SPMIP2: variants seen among roughly 807,000 people sequenced by gnomAD.
SPMIP2 encodes protein SPMIP2.
At chr4:159,064,275 A>T in the SPMIP2 span, 1 of 152,024 alleles carries the variant, frequency 6.6e-6, no homozygotes, top group African/African-American at 2.4e-5. Context: ...TTTTATTTTT[A>T]TTTATTATTA....
the SPMIP2 span, among the ~76,000 whole-genome samples, chr4:158,961,229 T>C: frequency 1.3e-5 from 2 of 152,130 alleles, no homozygotes; most frequent in African/African-American, 2.4e-5. Flanking sequence ...AAAGGAATGA[T>C]GTTACTTAGT....
the SPMIP2 span, among the ~76,000 whole-genome samples, chr4:158,894,418 T>C: frequency 4.7e-3 from 721 of 152,124 alleles, 3 homozygotes; most frequent in Middle Eastern, 0.051. Flanking sequence ...GTGATCCTCC[T>C]ACCTCAGCCT....
At chr4:159,079,626 C>T in the SPMIP2 span, among the ~76,000 whole-genome samples, 1 of 152,138 alleles carries the variant, frequency 6.6e-6, no homozygotes, top group South Asian at 2.1e-4. Context: ...TTTGGTTTTA[C>T]CAAGCCAGAG....
chr4:159,025,913 C>G, the SPMIP2 span, among the ~76,000 whole-genome samples: 1 of 152,170 alleles, frequency 6.6e-6, no homozygotes, highest in Admixed American at 6.5e-5. Context: ...ATGCTTACAC[C>G]TATTTCCTAG....
At chr4:158,907,552 T>C in the SPMIP2 span, 1 of 152,202 alleles carries the variant, frequency 6.6e-6, no homozygotes, top group Non-Finnish European at 1.5e-5. Context: ...CTAGAGTTGG[T>C]TGTACATAAA....
the SPMIP2 span, among the ~76,000 whole-genome samples, chr4:159,030,214 A>G: frequency 6.6e-6 from 1 of 152,156 alleles, no homozygotes; most frequent in African/African-American, 2.4e-5. Context: ...GGAGTTCAAG[A>G]CCAGCCTGGG....
the SPMIP2 span, among the ~76,000 whole-genome samples, chr4:158,896,396 C>T: frequency 6.6e-6 from 1 of 152,126 alleles, no homozygotes; most frequent in Admixed American, 6.5e-5. Flanking sequence ...GCCTATCATC[C>T]TCCAGAGGGT....
the SPMIP2 span, among the ~76,000 whole-genome samples, chr4:159,040,144 A>ATGTGTGTG: frequency 0.013 from 1,947 of 150,830 alleles, 43 homozygotes; most frequent in African/African-American, 0.044. Flanking sequence ...GTACTTAAAT[A>ATGTGTGTG]TGTGTGTGTG....
At chr4:159,077,645 T>C in the SPMIP2 span, among the ~76,000 whole-genome samples, 1 of 152,190 alleles carries the variant, frequency 6.6e-6, no homozygotes, top group South Asian at 2.1e-4. Context: ...TTTTAAAATT[T>C]ATTGAAAAAT....
the SPMIP2 span, among the ~76,000 whole-genome samples, chr4:158,981,804 GGCAAA>G: frequency 2.9e-5 from 1 of 34,604 alleles, no homozygotes; most frequent in Non-Finnish European, 4.7e-5. Flanking sequence ...TCAACTAATG[GGCAAA>G]AAAAAAAAAA....
the SPMIP2 span, among the ~76,000 whole-genome samples, chr4:158,982,484 C>T: frequency 1.3e-5 from 2 of 152,160 alleles, no homozygotes; most frequent in Non-Finnish European, 2.9e-5. Flanking sequence ...GTAAAACACT[C>T]CTCAGCAAAT....
the SPMIP2 span, among the ~76,000 whole-genome samples, chr4:158,923,363 T>A: frequency 6.6e-6 from 1 of 152,234 alleles, no homozygotes; most frequent in African/African-American, 2.4e-5. Flanking sequence ...TTAAGTCTTC[T>A]AGTTAATGCA....
chr4:159,065,385 A>G, the SPMIP2 span, among the ~76,000 whole-genome samples: 2 of 152,158 alleles, frequency 1.3e-5, no homozygotes, highest in Non-Finnish European at 2.9e-5. Context: ...TAAAATTGAG[A>G]CTTTTGAAAT....
At chr4:158,936,324 A>G in the SPMIP2 span, among the ~76,000 whole-genome samples, 1 of 152,246 alleles carries the variant, frequency 6.6e-6, no homozygotes, top group African/African-American at 2.4e-5. Context: ...AGTTTCACAT[A>G]GAGAAATAAT....
At chr4:158,968,758 CTAAA>C in the SPMIP2 span, among the ~76,000 whole-genome samples, 3 of 152,172 alleles carry the variant, frequency 2.0e-5, no homozygotes, top group Admixed American at 6.5e-5. Context: ...TTTACCTTCT[CTAAA>C]TAAATTCATA....
chr4:158,904,449 C>A, the SPMIP2 span: 2 of 1,600,128 alleles, frequency 1.2e-6, no homozygotes, highest in South Asian at 2.2e-5. Context: ...ATATTCTTTT[C>A]TTTTCTCAAT....
At chr4:158,909,756 T>C in the SPMIP2 span, among the ~76,000 whole-genome samples, 1 of 151,694 alleles carries the variant, frequency 6.6e-6, no homozygotes, top group African/African-American at 2.4e-5. Flanking sequence ...TTAAAAAAAA[T>C]TTGGGGCTGG....
chr4:159,019,936 G>A, the SPMIP2 span, among the ~76,000 whole-genome samples: 1 of 151,962 alleles, frequency 6.6e-6, no homozygotes, highest in Non-Finnish European at 1.5e-5. Flanking sequence ...AAATGGGCCG[G>A]GCACGGTGGC....
the SPMIP2 span, among the ~76,000 whole-genome samples, chr4:158,902,589 C>T: frequency 2.6e-5 from 4 of 152,206 alleles, no homozygotes; most frequent in Non-Finnish European, 5.9e-5. Context: ...CCTACAGCCG[C>T]CCCTTCCCCC....
Sources: gnomAD v4.1 joint callset for allele counts (sites outside exome capture counted in the v4.1 genomes callset) on GRCh38, gnomAD v4.1.1 for gene constraint, MANE v1.5 for transcripts, NCBI Gene and HGNC (gene_info 2026-07-23, HGNC 2026-07-21) for gene names.